Variants in LMX1A observed in about 807,000 individuals in gnomAD.
The protein encoded by LMX1A is LIM homeobox transcription factor 1 alpha.
A neutral mutation model predicts 49.1 loss-of-function variants in LMX1A; 15 were observed. That is an observed-to-expected ratio of 0.31 (90% confidence interval 0.20 to 0.47). The LOEUF (loss-of-function observed/expected upper bound fraction) is 0.47, where lower values mean the gene tolerates loss of function less well. Among genes scored for constraint, LMX1A ranks in the 20% least tolerant of loss-of-function variants. The pLI is 1.00. For missense variants in LMX1A, 372 were observed against 475.8 expected (o/e 0.78, Z 2.03); for synonymous variants, 167 against 185.7 (o/e 0.90, Z 0.82).
chr1:165,324,244 C>G (rs1444497250), intron 3 of LMX1A, among the ~76,000 whole-genome samples: 1 of 152,210 alleles, frequency 6.6e-6, no homozygotes, highest in East Asian at 1.9e-4. Flanking sequence ...TAACGCCCAC[C>G]TAGGGCTGAA....
intron 5 of LMX1A, 74 bp downstream of exon 5, chr1:165,213,567 G>A (rs1651513578): frequency 7.3e-7 from 1 of 1,362,174 alleles, no homozygotes; most frequent in African/African-American, 1.5e-5. Flanking sequence ...AATGCCCACT[G>A]AGATCCCAGA....
At chr1:165,301,914 G>C (rs2101725462) in intron 3 of LMX1A, among the ~76,000 whole-genome samples, 1 of 152,174 alleles carries the variant, frequency 6.6e-6, no homozygotes, top group East Asian at 1.9e-4. Flanking sequence ...CTATTGGTTG[G>C]GGGTGGGGGG....
chr1:165,305,870 C>A (rs963876799), intron 3 of LMX1A, among the ~76,000 whole-genome samples: 13 of 152,144 alleles, frequency 8.5e-5, no homozygotes, highest in South Asian at 2.1e-4. Context: ...AGTGACCAAC[C>A]AAGAGCCATA....
At position 165,356,444 on chromosome 1, in the gene LMX1A, A is replaced by C. The variant is rs1656621606; in HGVS notation, c.-112T>G. 6.6e-6 allele frequency: 1 copy of C among 152,008 alleles called. No individual in the cohort carries two copies. The highest frequency in any genetic ancestry group is 6.5e-5 in the Admixed American group (1 of 15,284). 9.4% of individuals were successfully genotyped at this position (152,008 alleles called of 1,614,324 possible). A position where few individuals can be genotyped will look rare whatever the true frequency, so the allele number is the denominator to read the frequency against. ...TCTGCCCGGGAAGGCGTCGCCCCCGAGACTGCAGCCGGAGGAGCCGCCCTC... is the reference window on the plus strand; with the variant it reads ...TCTGCCCGGGAAGGCGTCGCCCCCGCGACTGCAGCCGGAGGAGCCGCCCTC... On this transcript the variant is annotated 5_prime_UTR_variant, in exon 1 of 9. Coordinates refer to ENST00000342310, the MANE Select transcript of LMX1A (RefSeq NM_177398.4).
intron 4 of LMX1A, among the ~76,000 whole-genome samples, chr1:165,244,791 C>T (rs928991630): frequency 7.2e-5 from 11 of 152,060 alleles, no homozygotes; most frequent in African/African-American, 2.7e-4. Context: ...CTTCTAGACA[C>T]TTCTCTAGAA....
intron 3 of LMX1A, among the ~76,000 whole-genome samples, chr1:165,285,343 T>G (rs1485859541): frequency 6.6e-6 from 1 of 152,238 alleles, no homozygotes; most frequent in African/African-American, 2.4e-5. Context: ...CCATTCAGAC[T>G]GTGTTTGAAA....
chr1:165,205,449 G>C (rs1294219098), intron 8 of LMX1A, among the ~76,000 whole-genome samples: 1 of 152,160 alleles, frequency 6.6e-6, no homozygotes, highest in Non-Finnish European at 1.5e-5. Flanking sequence ...ATCCATAGTA[G>C]GATAGTCCAG....
intron 4 of LMX1A, among the ~76,000 whole-genome samples, chr1:165,244,677 C>G (rs1401780723): frequency 1.3e-5 from 2 of 151,980 alleles, no homozygotes; most frequent in African/African-American, 4.8e-5. Context: ...GGGAAATGAC[C>G]AAGTAGAGAC....
chr1:165,343,096 A>AT (rs1194923768), intron 3 of LMX1A, among the ~76,000 whole-genome samples: 1 of 152,090 alleles, frequency 6.6e-6, no homozygotes, highest in East Asian at 1.9e-4. Flanking sequence ...AAAAGGATAC[A>AT]TTTTTTCAGC....
chr1:165,320,543 T>C (rs1655355268), intron 3 of LMX1A, among the ~76,000 whole-genome samples: 1 of 152,182 alleles, frequency 6.6e-6, no homozygotes, highest in African/African-American at 2.4e-5. Flanking sequence ...ATGGGTCTTC[T>C]CAAGGGCAGA....
chr1:165,305,638 A>G (rs1654901138), intron 3 of LMX1A, among the ~76,000 whole-genome samples: 2 of 152,216 alleles, frequency 1.3e-5, no homozygotes, highest in Admixed American at 1.3e-4. Flanking sequence ...GAAAACGTCA[A>G]ATTGGATATC....
At chr1:165,231,059 A>G (rs937866339) in intron 4 of LMX1A, among the ~76,000 whole-genome samples, 2 of 152,098 alleles carry the variant, frequency 1.3e-5, no homozygotes, top group Admixed American at 6.6e-5. Flanking sequence ...CACTAACTAG[A>G]GCTTGTAGAA....
intron 3 of LMX1A, among the ~76,000 whole-genome samples, chr1:165,352,443 G>A (rs914769095): frequency 3.3e-5 from 5 of 152,318 alleles, no homozygotes; most frequent in African/African-American, 7.2e-5. Context: ...CTGCATCCGA[G>A]GGTTCTGCAG....
intron 3 of LMX1A, among the ~76,000 whole-genome samples, chr1:165,316,290 T>C (rs1227645971): frequency 2.0e-5 from 3 of 152,170 alleles, no homozygotes; most frequent in Non-Finnish European, 4.4e-5. Flanking sequence ...CATGAACACA[T>C]GCTGAGAGCT....
At chr1:165,253,417 CAA>C (rs1267788311) in intron 3 of LMX1A, among the ~76,000 whole-genome samples, 1 of 152,022 alleles carries the variant, frequency 6.6e-6, no homozygotes, top group Non-Finnish European at 1.5e-5. Context: ...TGGAAGAAGA[CAA>C]GAGTTTTGAG....
At chr1:165,228,408 T>G (rs1457505596) in intron 4 of LMX1A, among the ~76,000 whole-genome samples, 2 of 152,192 alleles carry the variant, frequency 1.3e-5, no homozygotes, top group African/African-American at 4.8e-5. Context: ...TCCGTTTGCA[T>G]CTCAACAACC....
At chr1:165,329,592 C>T (rs1655684132) in intron 3 of LMX1A, among the ~76,000 whole-genome samples, 1 of 151,056 alleles carries the variant, frequency 6.6e-6, no homozygotes, top group Admixed American at 6.6e-5. Flanking sequence ...AAGGCAGAGG[C>T]AGTAAGTGCC....
intron 3 of LMX1A, among the ~76,000 whole-genome samples, chr1:165,343,768 T>C (rs2101765172): frequency 1.3e-5 from 2 of 152,294 alleles, no homozygotes; most frequent in Middle Eastern, 6.8e-3. Flanking sequence ...CAGCCATTCA[T>C]ATAGATAAAC....
intron 3 of LMX1A, among the ~76,000 whole-genome samples, chr1:165,341,589 A>AATATATATAT (rs5778445): frequency 4.1e-5 from 6 of 146,680 alleles, no homozygotes; most frequent in South Asian, 4.4e-4. Flanking sequence ...CAATAAACCA[A>AATATATATAT]ATATATATAT....
Sources: gnomAD v4.1 joint callset for allele counts (sites outside exome capture counted in the v4.1 genomes callset) on GRCh38, gnomAD v4.1.1 for gene constraint, MANE v1.5 for transcripts, NCBI Gene and HGNC (gene_info 2026-07-23, HGNC 2026-07-21) for gene names.